Variants in TLE1 observed in about 807,000 individuals in gnomAD.
TLE1 encodes transducin-like enhancer protein 1.
TLE1 carries 21 observed loss-of-function variants against 89.8 expected under a neutral mutation model. That is an observed-to-expected ratio of 0.23 (90% CI 0.17 to 0.34). The LOEUF (loss-of-function observed/expected upper bound fraction) is 0.34. Among genes scored for constraint, TLE1 ranks in the 10% least tolerant of loss-of-function variants. The probability of loss-of-function intolerance (pLI) is 1.00; values close to 1 mark genes in which losing one functional copy is unlikely to be tolerated. For synonymous variants in TLE1, 447 were observed against 407.6 expected, an observed-to-expected ratio of 1.10 and a Z score of -1.16; for missense variants, 795 against 1,031.2, an observed-to-expected ratio of 0.77 and a Z score of 3.14.
chr9:81,597,179 A>AAGGATT (rs1350006149), intron 14 of TLE1, among the ~76,000 whole-genome samples: 21 of 152,294 alleles, frequency 1.4e-4, no homozygotes, highest in South Asian at 4.1e-4. Context: ...GGGTTGCTGT[A>AAGGATT]AGGATTAAAG....
chr9:81,642,253 T>G (rs569155548), intron 6 of TLE1, among the ~76,000 whole-genome samples: 66 of 152,352 alleles, frequency 4.3e-4, no homozygotes, highest in Middle Eastern at 3.4e-3. Context: ...TTTTCTGAAG[T>G]GCTTGGGACC....
chr9:81,675,697 A>ATTTTTTTTTTT (rs1832783096), intron 4 of TLE1, among the ~76,000 whole-genome samples: 7 of 99,814 alleles, frequency 7.0e-5, no homozygotes, highest in African/African-American at 3.4e-4. Context: ...GACTCACACT[A>ATTTTTTTTTTT]GTTTTTTTTT....
intron 4 of TLE1, among the ~76,000 whole-genome samples, chr9:81,655,734 T>C (rs1026540417): frequency 4.7e-4 from 71 of 151,420 alleles, no homozygotes; most frequent in African/African-American, 1.6e-3. Context: ...GTCCATGACC[T>C]TGAGAAATAG....
At chr9:81,612,457 G>T in intron 12 of TLE1, 2 of 791,450 alleles carry the variant, frequency 2.5e-6, no homozygotes, top group Non-Finnish European at 3.1e-6. Context: ...TTTCCTTTGG[G>T]CCCAGGTTGT....
intron 14 of TLE1, among the ~76,000 whole-genome samples, chr9:81,606,639 T>A (rs930589859): frequency 3.9e-5 from 6 of 151,944 alleles, no homozygotes; most frequent in African/African-American, 1.4e-4. Context: ...GGTGGGGGAC[T>A]GGGGGAGGGA....
rs766766065 is a variant in TLE1, at chr9:81,687,351, C to T, written c.108G>A (p.Leu36=). The part of the protein sequence containing the change: ...LDRIKEEFQF[L]QAQYHSLKLE... ...ACACGCACCTGTGATACTGCGCCTG[C>T]AGGAACTGGAATTCCTCTTTAATCC... Residue 36 remains leucine, a synonymous_variant, in exon 2 of 20, where the codon CTG becomes CTA. Coordinates refer to ENST00000376499, the MANE Select transcript of TLE1 (RefSeq NM_005077.5). The T allele has an allele frequency of 1.9e-6, 3 of 1,607,188 alleles. No homozygotes were observed. The highest frequency in any genetic ancestry group is 2.5e-6 in the Non-Finnish European group (3 of 1,178,210).
At chr9:81,688,174 C>T (rs1300711241) in intron 1 of TLE1, 43 bp downstream of exon 1, 1 of 1,601,386 alleles carries the variant, frequency 6.2e-7, no homozygotes, top group Non-Finnish European at 8.5e-7. Context: ...GAAGCGCCTC[C>T]CCAACGATCC....
intron 15 of TLE1, among the ~76,000 whole-genome samples, chr9:81,591,775 A>T (rs1416967691): frequency 6.6e-6 from 1 of 152,238 alleles, no homozygotes; most frequent in Non-Finnish European, 1.5e-5. Context: ...GGCCATATTT[A>T]AATAAGAATT....
At chr9:81,650,775 G>A (rs900985101) in intron 6 of TLE1, among the ~76,000 whole-genome samples, 1 of 152,164 alleles carries the variant, frequency 6.6e-6, no homozygotes, top group Non-Finnish European at 1.5e-5. Context: ...GCAGAGCTAA[G>A]CTGTCAAGTG....
chr9:81,592,931 T>C (rs1829746295), intron 15 of TLE1, 94 bp downstream of exon 15: 2 of 1,490,968 alleles, frequency 1.3e-6, no homozygotes, highest in African/African-American at 2.8e-5. Flanking sequence ...TTCTATTTCC[T>C]CATAATGGGA....
At chr9:81,681,894 G>A (rs1279156098) in intron 4 of TLE1, among the ~76,000 whole-genome samples, 4 of 152,112 alleles carry the variant, frequency 2.6e-5, no homozygotes, top group Non-Finnish European at 5.9e-5. Flanking sequence ...TGAAGAGGCA[G>A]GCACTAGGGA....
At chr9:81,672,101 C>T (rs905733076) in intron 4 of TLE1, among the ~76,000 whole-genome samples, 2 of 152,156 alleles carry the variant, frequency 1.3e-5, no homozygotes, top group African/African-American at 4.8e-5. Flanking sequence ...GAGCCATGAA[C>T]GCGGAGCTTC....
At chr9:81,660,470 G>A (rs974724237) in intron 4 of TLE1, among the ~76,000 whole-genome samples, 2 of 152,066 alleles carry the variant, frequency 1.3e-5, no homozygotes, top group East Asian at 2.0e-4. Context: ...CTGGAGAGCA[G>A]TGGCGCGATC....
intron 14 of TLE1, among the ~76,000 whole-genome samples, chr9:81,601,144 T>C (rs1209218215): frequency 2.0e-5 from 3 of 152,156 alleles, no homozygotes; most frequent in Non-Finnish European, 4.4e-5. Context: ...GCTGAATCAA[T>C]TTTCAAGTCC....
At chr9:81,631,794 C>T (rs1330461710) in intron 8 of TLE1, among the ~76,000 whole-genome samples, 1 of 152,224 alleles carries the variant, frequency 6.6e-6, no homozygotes, top group East Asian at 1.9e-4. Context: ...TGACACTCTA[C>T]TGAACAGACA....
At chr9:81,617,851 C>A (rs1824749662) in intron 9 of TLE1, among the ~76,000 whole-genome samples, 1 of 152,156 alleles carries the variant, frequency 6.6e-6, no homozygotes, top group African/African-American at 2.4e-5. Flanking sequence ...TGGTGAAACC[C>A]CGTCTCTACT....
In TLE1 at chr9:81,648,258, G is replaced by C. The variant is rs548895961; in HGVS notation, c.372+3956C>G. Among the ~76,000 whole-genome samples the C allele has an allele frequency of 6.1e-4, 78 of 128,046 alleles. 1 individual carries two copies. The East Asian group carries it at 0.018, about 29-fold the overall frequency. The allele number at this position is 128,046 out of a possible 152,430, so 84.0% of individuals were successfully genotyped here. A position where few individuals can be genotyped will look rare whatever the true frequency, so the allele number is the denominator to read the frequency against. On this transcript the variant is annotated intron_variant, in intron 6 of 19. Coordinates refer to ENST00000376499, the MANE Select transcript of TLE1 (RefSeq NM_005077.5). ...ACTGCACTCCAGCCTGGGTTACAGA[G>C]TAACACTGTCTCCAAAAAAAAAAAA... is the stretch of plus-strand genomic sequence containing the variant.
At chr9:81,666,673 G>A (rs1417741260) in intron 4 of TLE1, among the ~76,000 whole-genome samples, 2 of 152,026 alleles carry the variant, frequency 1.3e-5, no homozygotes, top group Admixed American at 6.5e-5. Flanking sequence ...TACTCAGGGG[G>A]CTGAGGCAGG....
chr9:81,680,734 A>G (rs1407365941), intron 4 of TLE1, among the ~76,000 whole-genome samples: 1 of 151,888 alleles, frequency 6.6e-6, no homozygotes, highest in Non-Finnish European at 1.5e-5. Context: ...TGCAAAGAAC[A>G]GGCCTGGCTA....
Sources: gnomAD v4.1 joint callset for allele counts (sites outside exome capture counted in the v4.1 genomes callset) on GRCh38, gnomAD v4.1.1 for gene constraint, MANE v1.5 for transcripts, NCBI Gene and HGNC (gene_info 2026-07-23, HGNC 2026-07-21) for gene names.